TTN: variants seen among roughly 807,000 people sequenced by gnomAD.
The protein encoded by TTN is connectin.
A neutral mutation model predicts 3,223.0 loss-of-function variants in TTN; 1,525 were observed. That is an observed-to-expected ratio of 0.47 (90% CI 0.45 to 0.49). TTN has a LOEUF of 0.49. Ranked by LOEUF, TTN falls within the 20% of genes least tolerant of loss-of-function variation. The pLI, the probability that TTN is intolerant of heterozygous loss-of-function variation, is 0.00. For missense variants in TTN, 40,786 were observed against 43,424.0 expected (o/e 0.94, Z 5.40); for synonymous variants, 14,094 against 15,161.0 (o/e 0.93, Z 5.17).
Position 178,776,497 on chromosome 2 carries a change from A to G in TTN, c.5367T>C (p.Ser1789=). The stretch of plus-strand genomic sequence containing the variant: ...TCTCATCTTTAACAATAAGGGTAGC[A>G]GATGTGTGATCTGTTCCATATTTGT... ...ATNKYGTDHT[S]ATLIVKDEKS... Residue 1789 remains serine (S), a synonymous_variant, in exon 28 of 363, where the codon TCT becomes TCC. Coordinates refer to ENST00000589042, the MANE Select transcript of TTN (RefSeq NM_001267550.2). 2 of 1,608,454 alleles carry G rather than the reference A, an allele frequency of 1.2e-6. No homozygotes were observed. The highest frequency in any genetic ancestry group is 1.1e-5 in the South Asian group (1 of 91,088).
rs758275324 is a variant in TTN at position 178,613,248 on chromosome 2, A to G, written c.49561T>C (p.Tyr16521His). The change falls in exon 264 of 363, where the codon TAC becomes CAC. Residue 16521 changes from tyrosine to histidine, a missense_variant. Physicochemically the swap from Tyr to His is moderately conservative, Grantham distance 83 (BLOSUM62 2). Coordinates refer to ENST00000589042, the MANE Select transcript of TTN (RefSeq NM_001267550.2). ...RVKGLTNKKKYRFRVLAENLA... is the reference protein window; with the variant it reads ...RVKGLTNKKKHRFRVLAENLA... ...TTTTCAGCCAACACACGGAATCTGTATTTTTTCTTATTAGTGAGACCTTTC... is the reference window on the plus strand; with the variant it reads ...TTTTCAGCCAACACACGGAATCTGTGTTTTTTCTTATTAGTGAGACCTTTC... The G allele has an allele frequency of 1.9e-6, 3 of 1,610,612 alleles. No individual in the cohort carries two copies. Among genetic ancestry groups the G allele is most frequent in the Non-Finnish European group, 2.5e-6 (3 of 1,178,578 alleles).
chr2:178,683,238 G>C lies in TTN; in HGVS notation c.32860C>G (p.Pro10954Ala). 1 of 1,552,516 alleles carries C rather than the reference G, an allele frequency of 6.4e-7. No homozygotes were observed. Among genetic ancestry groups the C allele is most frequent in the South Asian group, 1.2e-5 (1 of 84,282 alleles). Residue 10954 changes from proline to alanine, a missense_variant, in exon 134 of 363, where the codon CCA (proline) becomes GCA (alanine). Transcript: ENST00000589042. The part of the protein sequence containing the change: ...VKEEKVSIEA[P>A]KREPQPIKEV... ...TTGATGGGTTGAGGTTCTCTTTTTGGAGCTTCAATTGATACTTTTTCTTCT... is the reference window on the plus strand; with the variant it reads ...TTGATGGGTTGAGGTTCTCTTTTTGCAGCTTCAATTGATACTTTTTCTTCT...
At chr2:178,721,739 C>G (rs1348974567) in intron 78 of TTN, 108 bp downstream of exon 78, 1 of 1,232,878 alleles carries the variant, frequency 8.1e-7, no homozygotes, top group Non-Finnish European at 1.1e-6. Context: ...CAAATTCTAA[C>G]ATGTCCAGTT....
Position 178,732,556 on chromosome 2 carries a change from G to C in TTN, c.16505C>G (p.Ala5502Gly). 6.2e-7 allele frequency: 1 copy of C among 1,613,650 alleles called. No individual in the cohort carries two copies. The highest frequency in any genetic ancestry group is 8.5e-7 in the Non-Finnish European group (1 of 1,179,742). Reference sequence around the variant, plus strand: ...ATAGAGTTCCAGGGAACTCTCTAAAGCTTCTTTGGTAATATAGCAGCTTCC... The same window carrying C: ...ATAGAGTTCCAGGGAACTCTCTAAACCTTCTTTGGTAATATAGCAGCTTCC... ...SGGSCYITKE[A>G]LESSLELYLV... is the part of the protein sequence containing the mutation. Residue 5502 changes from alanine (A) to glycine (G), a missense_variant, in exon 56 of 363, where the codon GCT (alanine) becomes GGT (glycine). Coordinates refer to ENST00000589042, the MANE Select transcript of TTN (RefSeq NM_001267550.2).
intron 233 of TTN, 70 bp downstream of exon 233, chr2:178,633,117 T>C: frequency 1.3e-6 from 2 of 1,599,024 alleles, no homozygotes; most frequent in East Asian, 4.5e-5. Flanking sequence ...CATCAAGATA[T>C]TTTATGCCTT....
chr2:178,771,159 A>G, intron 34 of TTN, 52 bp downstream of exon 34: 1 of 1,611,824 alleles, frequency 6.2e-7, no homozygotes, highest in South Asian at 1.1e-5. Flanking sequence ...TTAAAACGAT[A>G]ACGATCAAGA....
chr2:178,748,312 A>G (rs757128743), intron 47 of TTN: 2 of 1,612,822 alleles, frequency 1.2e-6, no homozygotes, highest in Non-Finnish European at 1.7e-6. Flanking sequence ...AAGAAATGGA[A>G]TTTTCATCAA....
intron 44 of TTN, 23 bp from the exon 45 acceptor site, chr2:178,757,939 T>A: frequency 2.0e-6 from 3 of 1,514,922 alleles, no homozygotes; most frequent in Non-Finnish European, 2.6e-6. Flanking sequence ...ATACCAATTT[T>A]TAATGTCTTA....
rs1170680046 is a variant in TTN at position 178,741,413 on chromosome 2, G to T, written c.11820C>A (p.Phe3940Leu). The T allele has an allele frequency of 6.2e-7, 1 of 1,613,854 alleles. No individual in the cohort carries two copies. Reference sequence around the variant, plus strand: ...AGCGAATTGGTTTTAACTCCTTAAGGAAGTGAGGAGGACAAGGACCTCCCA... The same window carrying T: ...AGCGAATTGGTTTTAACTCCTTAAGTAAGTGAGGAGGACAAGGACCTCCCA... ...EKLGGPCPPHFLKELKPIRCA... is the reference protein window; with the variant it reads ...EKLGGPCPPHLLKELKPIRCA... Residue 3940 changes from phenylalanine to leucine, a missense_variant, in exon 48 of 363, where the codon TTC (phenylalanine) becomes TTA (leucine). Coordinates refer to ENST00000589042, the MANE Select transcript of TTN (RefSeq NM_001267550.2).
At chr2:178,706,346 T>C (rs367974103) in intron 102 of TTN, 108 bp downstream of exon 102, 1 of 1,217,776 alleles carries the variant, frequency 8.2e-7, no homozygotes, top group African/African-American at 1.5e-5. Flanking sequence ...TTTGTATTTT[T>C]AAATTTTTTG....
chr2:178,633,155 C>A (rs1348832001), intron 233 of TTN, 32 bp downstream of exon 233: 1 of 1,604,974 alleles, frequency 6.2e-7, no homozygotes, highest in Non-Finnish European at 8.5e-7. Flanking sequence ...CAAGCAACCC[C>A]TCTCCTATAT....
chr2:178,638,335 TAAAC>T (rs892812446), intron 223 of TTN, among the ~76,000 whole-genome samples: 9 of 150,680 alleles, frequency 6.0e-5, no homozygotes, highest in African/African-American at 1.5e-4. Flanking sequence ...TAAAAATATA[TAAAC>T]AAATATAAAA....
chr2:178,557,870 G>T lies in TTN; in HGVS notation c.87484C>A (p.Pro29162Thr). 4 of 1,613,826 alleles carry T rather than the reference G, an allele frequency of 2.5e-6. No homozygotes were observed. Among genetic ancestry groups the T allele is most frequent in the Non-Finnish European group, 2.5e-6 (3 of 1,179,848 alleles). ...EESVTLKWEP[P>T]KYDGGSQVTN... ...ACTTGACTTCCACCGTCATACTTAG[G>T]TGGCTCCCATTTGAGAGTCACACTT... The change falls in exon 328 of 363, where the codon CCT becomes ACT. Residue 29162 changes from proline (P) to threonine (T), a missense_variant. Coordinates refer to ENST00000589042, the MANE Select transcript of TTN (RefSeq NM_001267550.2).
intron 92 of TTN, 136 bp from the exon 93 acceptor site, chr2:178,713,508 A>C: frequency 7.6e-6 from 10 of 1,317,870 alleles, no homozygotes; most frequent in Non-Finnish European, 1.0e-5. Context: ...TGACGGTATT[A>C]AAAACTCCTC....
Position 178,591,001 on chromosome 2 carries a change from A to G in TTN, c.60724T>C (p.Tyr20242His). Residue 20242 changes from tyrosine (Y) to histidine (H), a missense_variant, in exon 304 of 363, where the codon TAT becomes CAT. Physicochemically the swap from Tyr to His is moderately conservative, Grantham distance 83. Coordinates refer to ENST00000589042, the MANE Select transcript of TTN (RefSeq NM_001267550.2). ...TTCTCTGCTCTAACTCGGAAAACAT[A>G]TTCACAGCCCTTCTGCAGATGTGGG... is the stretch of plus-strand genomic sequence containing the variant. ...KIPHLQKGCE[Y>H]VFRVRAENKI... The G allele has an allele frequency of 1.2e-6, 2 of 1,613,518 alleles. No homozygotes were observed. The highest frequency in any genetic ancestry group is 1.7e-6 in the Non-Finnish European group (2 of 1,179,562).
In TTN at chr2:178,582,351, T is replaced by A. The variant is rs373681189; in HGVS notation, c.66105A>T (p.Lys22035Asn). ...TGAAGACTGGATCGCCTACTCCATA[T>A]TTATTTTCAGCACAAATACGGAACT... ...EYQFRICAEN[K>N]YGVGDPVFTE... The change falls in exon 314 of 363, where the codon AAA (lysine) becomes AAT (asparagine). Residue 22035 changes from lysine (K) to asparagine (N), a missense_variant. Lys to Asn is a moderately conservative substitution (Grantham distance 94). Transcript: ENST00000589042. 4.5e-5 allele frequency: 73 copies of A among 1,609,656 alleles called. No homozygotes were observed. Among genetic ancestry groups the A allele is most frequent in the African/African-American group, 5.4e-5 (4 of 74,736 alleles).
At position 178,757,514 on chromosome 2, in the gene TTN, A is replaced by G. The variant is rs1196245024; in HGVS notation, c.10678+28T>C. 10 of 1,515,910 alleles carry G rather than the reference A, an allele frequency of 6.6e-6. No homozygotes were observed. The Admixed American group carries it at 1.9e-4, about 29-fold the overall frequency. 93.9% of individuals were successfully genotyped at this position (1,515,910 alleles called of 1,614,324 possible). A position where few individuals can be genotyped will look rare whatever the true frequency, so the allele number is the denominator to read the frequency against. ...GGGACTGAGAGGTATACAGCAAATC[A>G]AAGTCCTTGAAGCAAGATGGGCTTT... On this transcript the variant is annotated intron_variant, in intron 45 of 362. Coordinates refer to ENST00000589042, the MANE Select transcript of TTN (RefSeq NM_001267550.2).
intron 269 of TTN, 31 bp from the exon 270 acceptor site, chr2:178,611,302 C>A (rs368834965): frequency 5.5e-5 from 88 of 1,610,414 alleles, no homozygotes; most frequent in Non-Finnish European, 7.2e-5. Context: ...GAGCAAAAAA[C>A]AGAGTATGTC....
rs1186026893 is a variant in TTN, at chr2:178,784,023, T to C, written c.2775+47A>G. The C allele has an allele frequency of 3.1e-6, 5 of 1,610,806 alleles. No homozygotes were observed. In the African/African-American group the frequency reaches 4.0e-5, roughly 13 times the overall value. On this transcript the variant is annotated intron_variant, in intron 16 of 362. Transcript: ENST00000589042. ...TACAAACTAGCCAACCACCTGGCCC[T>C]GCTCAATGGGAGTGGACCATGTAAC...
Sources: gnomAD v4.1 joint callset for allele counts (sites outside exome capture counted in the v4.1 genomes callset) on GRCh38, gnomAD v4.1.1 for gene constraint, MANE v1.5 for transcripts, NCBI Gene and HGNC (gene_info 2026-07-23, HGNC 2026-07-21) for gene names.